The following DDX60 variants were observed in gnomAD, a reference collection of about 807,000 sequenced individuals.
The protein encoded by DDX60 is probable ATP-dependent RNA helicase DDX60.
In DDX60, 165 loss-of-function variants were observed where a neutral mutation model predicts 212.8. That is an observed-to-expected ratio of 0.78 (90% CI 0.68 to 0.88). The LOEUF (loss-of-function observed/expected upper bound fraction) is 0.88. Among genes scored for constraint, DDX60 ranks in the 40% least tolerant of loss-of-function variants. The pLI, the probability that DDX60 is intolerant of heterozygous loss-of-function variation, is 0.00. For missense variants in DDX60, 1,905 were observed against 2,003.9 expected, an observed-to-expected ratio of 0.95 and a Z score of 0.94; for synonymous variants, 703 against 685.3, an observed-to-expected ratio of 1.03 and a Z score of -0.40.
intron 7 of DDX60, among the ~76,000 whole-genome samples, chr4:168,293,585 C>G (rs1560866360): frequency 6.6e-6 from 1 of 152,142 alleles, no homozygotes; most frequent in Non-Finnish European, 1.5e-5. Context: ...CTAAGTGAAA[C>G]ATGCACATAG....
At chr4:168,324,774 TG>T in the DDX60 span, among the ~76,000 whole-genome samples, 2 of 152,216 alleles carry the variant, frequency 1.3e-5, no homozygotes, top group African/African-American at 4.8e-5. Context: ...TATGAGTATT[TG>T]CATGTCTTGA....
Position 168,217,041 on chromosome 4 carries a change from G to T in DDX60, c.5040-9C>A. On this transcript the variant is annotated splice_polypyrimidine_tract_variant and intron_variant, in intron 37 of 37. Transcript: ENST00000393743. Reference sequence around the variant, plus strand: ...GCTCACGCAAGGAAACACTGGAAATGGGGAAAAAAATATAGGATCCACTTT... The same window carrying T: ...GCTCACGCAAGGAAACACTGGAAATTGGGAAAAAAATATAGGATCCACTTT... 1 of 1,582,576 alleles carries T rather than the reference G, an allele frequency of 6.3e-7. No homozygotes were observed. The highest frequency in any genetic ancestry group is 8.6e-7 in the Non-Finnish European group (1 of 1,160,976).
chr4:168,314,870 A>C (rs1363093210), intron 1 of DDX60, among the ~76,000 whole-genome samples: 3 of 152,204 alleles, frequency 2.0e-5, no homozygotes, highest in East Asian at 3.8e-4. Flanking sequence ...GTTTAGATTG[A>C]AATGTTTCTC....
rs1560845970 is a variant in DDX60, at chr4:168,273,298, TGACGATACTCCCTG to T, written c.2541_2554del (p.Arg848Ter). 1 of 1,613,892 alleles carries T rather than the reference TGACGATACTCCCTG, an allele frequency of 6.2e-7. No individual in the cohort carries two copies. The highest frequency in any genetic ancestry group is 1.7e-5 in the Admixed American group (1 of 60,016). The stretch of plus-strand genomic sequence containing the variant: ...CCCTACCTGACAGTTTAAGGCATCA[TGACGATACTCCCTG>T]GTGAAAACACCACAGAGAACTTCAC... On this transcript the variant is annotated frameshift_variant, in exon 18 of 38. Coordinates refer to ENST00000393743, the MANE Select transcript of DDX60 (RefSeq NM_017631.6). LOFTEE classifies it high-confidence loss of function.
intron 22 of DDX60, chr4:168,263,467 T>C (rs1560837008): frequency 6.6e-6 from 1 of 152,204 alleles, no homozygotes; most frequent in Non-Finnish European, 1.5e-5. Flanking sequence ...AGAAACATAC[T>C]CTCTGAGATG....
At chr4:168,244,889 A>G (rs569771590) in intron 30 of DDX60, among the ~76,000 whole-genome samples, 12 of 152,002 alleles carry the variant, frequency 7.9e-5, no homozygotes, top group Non-Finnish European at 1.6e-4. Context: ...AAAAAAAAAT[A>G]GCAATGAAAA....
intron 11 of DDX60, 120 bp downstream of exon 11, chr4:168,285,273 G>A: frequency 5.9e-6 from 4 of 673,402 alleles, no homozygotes; most frequent in Non-Finnish European, 1.0e-5. Context: ...AATTCATTAT[G>A]TATTACAAAC....
In DDX60 at chr4:168,274,034, G is replaced by A; in HGVS notation, c.2354C>T (p.Ala785Val). Residue 785 changes from alanine to valine, a missense_variant, in exon 17 of 38, where the codon GCC becomes GTC. Physicochemically the swap from Ala to Val is moderately conservative, Grantham distance 64. Coordinates refer to ENST00000393743, the MANE Select transcript of DDX60 (RefSeq NM_017631.6). ...VDKNESAVIV[A>V]PTSSGKTYAS... is the part of the protein sequence containing the mutation. ...ATAGGTTTTGCCTGAGGACGTTGGG[G>A]CAACAATCACTGCTGACTCATTCTT... 6.2e-7 allele frequency: 1 copy of A among 1,614,176 alleles called. No individual in the cohort carries two copies. Among genetic ancestry groups the A allele is most frequent in the Non-Finnish European group, 8.5e-7 (1 of 1,180,020 alleles).
chr4:168,299,157 C>T (rs1173864538), intron 6 of DDX60, among the ~76,000 whole-genome samples: 1 of 61,924 alleles, frequency 1.6e-5, no homozygotes, highest in East Asian at 7.1e-4. Context: ...GAGACTGTCT[C>T]AAAAAAAAAA....
At chr4:168,271,778 T>C (rs1157070715) in intron 19 of DDX60, among the ~76,000 whole-genome samples, 2 of 152,190 alleles carry the variant, frequency 1.3e-5, no homozygotes, top group East Asian at 3.8e-4. Context: ...ATGGTTGAAT[T>C]CTATTTCCCC....
In DDX60 at chr4:168,255,795, C is replaced by T. The variant is rs1210423166; in HGVS notation, c.3473G>A (p.Arg1158Lys). The change falls in exon 26 of 38, where the codon AGG becomes AAG. Residue 1158 changes from arginine to lysine, a missense_variant. Arg to Lys is a conservative substitution (Grantham distance 26). Coordinates refer to ENST00000393743, the MANE Select transcript of DDX60 (RefSeq NM_017631.6). ...TFLKKKQETKRPPKADKEAHV... is the reference protein window; with the variant it reads ...TFLKKKQETKKPPKADKEAHV... ...GGCTTCTTTATCAGCTTTGGGAGGC[C>T]TTTTTGTCTCCTGCTTTTTCTTTAG... The T allele has an allele frequency of 6.2e-7, 1 of 1,609,206 alleles. No individual in the cohort carries two copies. The highest frequency in any genetic ancestry group is 8.5e-7 in the Non-Finnish European group (1 of 1,178,746).
At chr4:168,285,526 CA>C in intron 10 of DDX60, 28 bp from the exon 11 acceptor site, 1 of 1,432,770 alleles carries the variant, frequency 7.0e-7, no homozygotes, top group South Asian at 1.2e-5. Flanking sequence ...AAAATTGAGA[CA>C]AGGTCAAATG....
At chr4:168,325,627 A>T in the DDX60 span, among the ~76,000 whole-genome samples, 531 of 125,836 alleles carry the variant, frequency 4.2e-3, no homozygotes, top group African/African-American at 0.013. Context: ...TCCATCTGTG[A>T]TATATCTGCC....
intron 30 of DDX60, among the ~76,000 whole-genome samples, chr4:168,242,070 A>T (rs1733860362): frequency 6.6e-6 from 1 of 152,230 alleles, no homozygotes. Context: ...AAGCCTTGGC[A>T]GCTTACACGT....
At chr4:168,218,214 C>A (rs541028895) in intron 37 of DDX60, among the ~76,000 whole-genome samples, 2 of 152,292 alleles carry the variant, frequency 1.3e-5, no homozygotes, top group African/African-American at 4.8e-5. Flanking sequence ...TTCTGAGTTA[C>A]AGACTTATCA....
At chr4:168,229,445 G>A (rs983953844) in intron 33 of DDX60, among the ~76,000 whole-genome samples, 1 of 152,150 alleles carries the variant, frequency 6.6e-6, no homozygotes, top group African/African-American at 2.4e-5. Flanking sequence ...CATGGAGAAG[G>A]AAACTTCCAG....
chr4:168,287,884 T>G (rs983401475), intron 9 of DDX60, among the ~76,000 whole-genome samples: 2 of 152,170 alleles, frequency 1.3e-5, no homozygotes, highest in Non-Finnish European at 2.9e-5. Context: ...AGAAATATTA[T>G]GCATGCATTT....
rs373352825 is a variant in DDX60, at chr4:168,268,976, AAC to A, written c.2671-9_2671-8del. 2 of 1,425,698 alleles carry A rather than the reference AAC, an allele frequency of 1.4e-6. No individual in the cohort carries two copies. The highest frequency in any genetic ancestry group is 2.7e-5 in the South Asian group (2 of 75,152). The allele number at this position is 1,425,698 out of a possible 1,614,324, so 88.3% of individuals were successfully genotyped here. ...CTCCACCAAGACAATGAACCTATTA[AAC>A]AAAAAAAAAAAAATCTCAACTGAAA... is the stretch of plus-strand genomic sequence containing the variant. On this transcript the variant is annotated splice_polypyrimidine_tract_variant and splice_region_variant and intron_variant, in intron 19 of 37. Coordinates refer to ENST00000393743, the MANE Select transcript of DDX60 (RefSeq NM_017631.6).
In DDX60 at chr4:168,267,628, A is replaced by G. The variant is rs781712043; in HGVS notation, c.2993T>C (p.Ile998Thr). The change falls in exon 22 of 38, where the codon ATT (isoleucine) becomes ACT (threonine). Residue 998 changes from isoleucine (I) to threonine (T), a missense_variant. Coordinates refer to ENST00000393743, the MANE Select transcript of DDX60 (RefSeq NM_017631.6). The stretch of plus-strand genomic sequence containing the variant: ...ACATGGGTGAAAATGATCAAAATGA[A>G]TGTCACCATGTTTTATTGAACATAC... ...KHVCSIKHGD[I>T]HFDHFHPCAA... is the part of the protein sequence containing the mutation. 3 of 1,603,278 alleles carry G rather than the reference A, an allele frequency of 1.9e-6. No homozygotes were observed. Among genetic ancestry groups the G allele is most frequent in the Non-Finnish European group, 2.6e-6 (3 of 1,174,608 alleles).
Sources: allele counts gnomAD v4.1 joint callset (sites outside exome capture counted in the v4.1 genomes callset), GRCh38; gene constraint gnomAD v4.1.1; transcripts MANE v1.5; gene names NCBI Gene and HGNC (gene_info 2026-07-23, HGNC 2026-07-21).